The following DEFB121 variants were observed in gnomAD, a reference collection of about 807,000 sequenced individuals.
The protein encoded by DEFB121 is beta-defensin 121.
DEFB121 carries 5 observed loss-of-function variants against 2.5 expected under a neutral mutation model. That is an observed-to-expected ratio of 1.96 (90% CI 1.03 to 4.13). The LOEUF is 4.13. Ranked by LOEUF, DEFB121 falls within the 30% of genes most tolerant of loss-of-function variation. DEFB121 has a pLI of 0.00. For synonymous variants in DEFB121, 39 were observed against 32.6 expected (o/e 1.20, Z -0.67); for missense variants, 87 against 85.0 (o/e 1.02, Z -0.09).
chr20:31,416,141 A>G (rs1007136806), upstream of DEFB121, among the ~76,000 whole-genome samples: 1 of 152,046 alleles, frequency 6.6e-6, no homozygotes, highest in Non-Finnish European at 1.5e-5. Flanking sequence ...GCTCACTGCA[A>G]TCTCCACCTC....
At chr20:31,415,362 G>A (rs1371414031), upstream of DEFB121, among the ~76,000 whole-genome samples, 1 of 151,062 alleles carries the variant, frequency 6.6e-6, no homozygotes, top group Non-Finnish European at 1.5e-5. Context: ...CGATTCTCAT[G>A]CCTCAGCCTC....
chr20:31,411,045 A>T (rs1978649422), upstream of DEFB121, among the ~76,000 whole-genome samples: 1 of 152,198 alleles, frequency 6.6e-6, no homozygotes, highest in Non-Finnish European at 1.5e-5. Context: ...TGATAAGCAG[A>T]ATAAGGCTGC....
At chr20:31,409,494 A>C (rs1263077940), upstream of DEFB121, among the ~76,000 whole-genome samples, 1 of 152,220 alleles carries the variant, frequency 6.6e-6, no homozygotes, top group Non-Finnish European at 1.5e-5. Context: ...TAATCCCAGC[A>C]CTTTGAGAGG....
At chr20:31,410,725 G>A (rs543837228), upstream of DEFB121, among the ~76,000 whole-genome samples, 1 of 152,058 alleles carries the variant, frequency 6.6e-6, no homozygotes, top group East Asian at 1.9e-4. Flanking sequence ...GGAAACCTGA[G>A]ATGCCATTCA....
chr20:31,412,742 A>G (rs1332797123), exon 1 of DEFB121: 7 of 1,159,098 alleles, frequency 6.0e-6, no homozygotes, highest in Non-Finnish European at 6.9e-6. Flanking sequence ...GCAGTAGCTC[A>G]GAGATCTCTC....
intron 1 of DEFB121, among the ~76,000 whole-genome samples, chr20:31,405,305 A>G (rs1220848452): frequency 1.3e-5 from 2 of 149,308 alleles, no homozygotes; most frequent in Non-Finnish European, 3.0e-5. Flanking sequence ...GAGTCCCCCC[A>G]ACTCAGTGGC....
upstream of DEFB121, among the ~76,000 whole-genome samples, chr20:31,417,276 T>G (rs1978832893): frequency 6.6e-6 from 1 of 151,840 alleles, no homozygotes; most frequent in Admixed American, 6.6e-5. Flanking sequence ...ACCTGGTAGG[T>G]GAAGGTTGCA....
upstream of DEFB121, among the ~76,000 whole-genome samples, chr20:31,411,013 G>T (rs902882733): frequency 6.6e-6 from 1 of 152,120 alleles, no homozygotes; most frequent in African/African-American, 2.4e-5. Flanking sequence ...TCATAGCCCT[G>T]CAAGTTTGCT....
At chr20:31,410,589 C>G (rs1474687489), upstream of DEFB121, among the ~76,000 whole-genome samples, 1 of 152,050 alleles carries the variant, frequency 6.6e-6, no homozygotes, top group African/African-American at 2.4e-5. Context: ...ATACATAACC[C>G]TCTGCAACAG....
At chr20:31,411,929 G>A (rs964941285) in intron 1 of DEFB121, among the ~76,000 whole-genome samples, 5 of 152,330 alleles carry the variant, frequency 3.3e-5, no homozygotes, top group African/African-American at 1.2e-4. Flanking sequence ...AAGATAGGGT[G>A]GTATCTGAAA....
upstream of DEFB121, among the ~76,000 whole-genome samples, chr20:31,408,216 G>T (rs1331337111): frequency 6.6e-6 from 1 of 152,236 alleles, no homozygotes; most frequent in Admixed American, 6.5e-5. Flanking sequence ...GGCTAAGGCA[G>T]GAGGATTGCT....
chr20:31,406,407 AT>A, upstream of DEFB121: 1 of 576,154 alleles, frequency 1.7e-6, no homozygotes, highest in Non-Finnish European at 2.5e-6. Context: ...CCTCTGAAGA[AT>A]TTTATAATAC....
upstream of DEFB121, among the ~76,000 whole-genome samples, chr20:31,416,054 T>TTTTTTTTGTTTG (rs1978796501): frequency 6.6e-6 from 1 of 150,862 alleles, no homozygotes. Flanking sequence ...CTTCCCACTT[T>TTTTTTTTGTTTG]TTTGTTTGTT....
At chr20:31,406,883 T>G (rs895467741), upstream of DEFB121, among the ~76,000 whole-genome samples, 2 of 151,588 alleles carry the variant, frequency 1.3e-5, no homozygotes, top group African/African-American at 4.8e-5. Context: ...CACTGGAACC[T>G]CGAATTCCTG....
upstream of DEFB121, among the ~76,000 whole-genome samples, chr20:31,417,573 A>G (rs998550669): frequency 7.2e-5 from 11 of 152,192 alleles, no homozygotes; most frequent in Admixed American, 3.9e-4. Flanking sequence ...GAAATAAGTA[A>G]AGGAAGATTG....
chr20:31,411,798 G>C (rs1410307702), intron 1 of DEFB121, among the ~76,000 whole-genome samples: 2 of 152,234 alleles, frequency 1.3e-5, no homozygotes, highest in Non-Finnish European at 2.9e-5. Context: ...CTGGACCTAA[G>C]TCCAATTCAG....
chr20:31,405,213 T>C, intron 1 of DEFB121, 128 bp from the exon 2 acceptor site: 1 of 850,522 alleles, frequency 1.2e-6, no homozygotes, highest in Non-Finnish European at 1.8e-6. Flanking sequence ...AAGAAGCTCT[T>C]ACACAGGATC....
upstream of DEFB121, among the ~76,000 whole-genome samples, chr20:31,407,091 A>T (rs1327967489): frequency 6.6e-6 from 1 of 152,158 alleles, no homozygotes; most frequent in Non-Finnish European, 1.5e-5. Context: ...ACAAAAAAAA[A>T]TACAAAAAAT....
At chr20:31,406,400 C>A, upstream of DEFB121, 1 of 665,838 alleles carries the variant, frequency 1.5e-6, no homozygotes, top group Non-Finnish European at 2.1e-6. Context: ...GGCCTTGCCT[C>A]TGAAGAATTT....
Sources: allele counts gnomAD v4.1 joint callset (sites outside exome capture counted in the v4.1 genomes callset), GRCh38; gene constraint gnomAD v4.1.1; transcripts MANE v1.5; gene names NCBI Gene and HGNC (gene_info 2026-07-23, HGNC 2026-07-21).